ARID1A: variants seen among roughly 807,000 people sequenced by gnomAD.
ARID1A encodes AT-rich interaction domain 1A, also known as AT-rich interactive domain-containing protein 1A.
ARID1A carries 20 observed loss-of-function variants against 212.6 expected under a neutral mutation model. The observed-to-expected ratio is 0.09, with a 90% confidence interval of 0.07 to 0.14. ARID1A has a LOEUF of 0.14. ARID1A is among the 10% of genes least tolerant of loss of function. ARID1A has a pLI of 1.00. For missense variants in ARID1A, 2,587 were observed against 3,059.0 expected, an observed-to-expected ratio of 0.85 and a Z score of 3.64; for synonymous variants, 1,376 against 1,222.1, an observed-to-expected ratio of 1.13 and a Z score of -2.63.
At chr1:26,709,656 AT>A (rs1464208485) in intron 1 of ARID1A, among the ~76,000 whole-genome samples, 2 of 144,800 alleles carry the variant, frequency 1.4e-5, no homozygotes, top group Non-Finnish European at 1.5e-5. Flanking sequence ...TTAAACTAAA[AT>A]TTGTTTAGAG....
At chr1:26,767,693 G>C (rs2124085301) in intron 10 of ARID1A, 97 bp from the exon 11 acceptor site, 2 of 1,245,948 alleles carry the variant, frequency 1.6e-6, no homozygotes, top group Non-Finnish European at 2.2e-6. Context: ...CCCAGAGTAA[G>C]AAGCTTTAAC....
intron 3 of ARID1A, among the ~76,000 whole-genome samples, chr1:26,731,813 T>C (rs2080681342): frequency 6.6e-6 from 1 of 152,182 alleles, no homozygotes; most frequent in Non-Finnish European, 1.5e-5. Context: ...TCCTTAATGA[T>C]GAAGAAATAG....
chr1:26,731,968 T>C (rs934729640), intron 3 of ARID1A, among the ~76,000 whole-genome samples: 2 of 152,220 alleles, frequency 1.3e-5, no homozygotes, highest in African/African-American at 4.8e-5. Flanking sequence ...ACAGTCACTT[T>C]GAGAGGCAGT....
Position 26,731,203 on chromosome 1 carries a change from A to T in ARID1A, c.1402A>T (p.Thr468Ser), listed in dbSNP as rs2124788055. Residue 468 changes from threonine to serine, a missense_variant, in exon 3 of 20, where the codon ACT (threonine) becomes TCT (serine). By Grantham distance (58) the Thr-to-Ser change is moderately conservative (BLOSUM62 1). Coordinates refer to ENST00000324856, the MANE Select transcript of ARID1A (RefSeq NM_006015.6). ...CAGCGGGTATGGTCAACAGGGCCAG[A>T]CTCCATATTACAACCAGCAAAGTCC... ...GPSGYGQQGQ[T>S]PYYNQQSPHP... 6.2e-7 allele frequency: 1 copy of T among 1,613,772 alleles called. No homozygotes were observed. The highest frequency in any genetic ancestry group is 8.5e-7 in the Non-Finnish European group (1 of 1,179,924).
chr1:26,767,545 A>G (rs544193500), intron 10 of ARID1A, among the ~76,000 whole-genome samples: 1 of 152,216 alleles, frequency 6.6e-6, no homozygotes, highest in Non-Finnish European at 1.5e-5. Flanking sequence ...TATAATACCT[A>G]ATATATAAAG....
At chr1:26,749,612 G>C (rs1234448025) in intron 4 of ARID1A, among the ~76,000 whole-genome samples, 1 of 152,166 alleles carries the variant, frequency 6.6e-6, no homozygotes, top group Admixed American at 6.6e-5. Flanking sequence ...TCCACCCAGA[G>C]GGTCAGACCT....
chr1:26,775,669 TATG>T lies in ARID1A; in HGVS notation c.5091_5093del (p.Asp1698del). 6.2e-7 allele frequency: 1 copy of T among 1,614,228 alleles called. No homozygotes were observed. The highest frequency in any genetic ancestry group is 8.5e-7 in the Non-Finnish European group (1 of 1,180,032). On this transcript the variant is annotated inframe_deletion, in exon 19 of 20. Coordinates refer to ENST00000324856, the MANE Select transcript of ARID1A (RefSeq NM_006015.6). Reference sequence around the variant, plus strand: ...ATTAGATACCATCAACATCCTGCTGTATGATGACAACAGCATCATGACCTTCAA... The same window carrying T: ...ATTAGATACCATCAACATCCTGCTGTATGACAACAGCATCATGACCTTCAA...
intron 19 of ARID1A, among the ~76,000 whole-genome samples, chr1:26,776,337 T>C (rs76500846): frequency 0.056 from 8,528 of 151,222 alleles, 320 homozygotes; most frequent in Non-Finnish European, 0.08. Flanking sequence ...GCAGTGGCGC[T>C]ATCACAGCTC....
intron 4 of ARID1A, among the ~76,000 whole-genome samples, chr1:26,740,669 T>G (rs1237375310): frequency 4.0e-5 from 6 of 151,814 alleles, no homozygotes; most frequent in African/African-American, 1.2e-4. Context: ...GGGGCAATCA[T>G]GTGATAAAAC....
rs397860721 is a variant in ARID1A, at chr1:26,708,266, CTTTTTTTTTTTTTTTTTTT to C, written c.1137+10744_1137+10762del. Among the ~76,000 whole-genome samples the C allele has an allele frequency of 5.6e-3, 133 of 23,754 alleles. 3 individuals are homozygous for C. The highest frequency in any genetic ancestry group is 0.018 in the African/African-American group (109 of 6,012). 15.6% of individuals were successfully genotyped at this position (23,754 alleles called of 152,430 possible). A position where few individuals can be genotyped will look rare whatever the true frequency, so the allele number is the denominator to read the frequency against. On this transcript the variant is annotated intron_variant, in intron 1 of 19. Transcript: ENST00000324856. ...TCAGCCTTTAAGATACAGTCCTTCA[CTTTTTTTTTTTTTTTTTTT>C]TTTTTTTTTTTTTTTTTGAGACGGA...
chr1:26,759,576 T>TA (rs2080972239), intron 4 of ARID1A, among the ~76,000 whole-genome samples: 1 of 152,178 alleles, frequency 6.6e-6, no homozygotes, highest in Admixed American at 6.5e-5. Context: ...TTTCTTCAAT[T>TA]ACAGTTAGTT....
intron 1 of ARID1A, among the ~76,000 whole-genome samples, chr1:26,724,054 C>A (rs939178085): frequency 2.0e-5 from 3 of 151,986 alleles, no homozygotes; most frequent in Admixed American, 1.3e-4. Flanking sequence ...TAGGGGGGTT[C>A]TTTTGGTTAA....
chr1:26,739,843 CCT>C (rs1194005902), intron 4 of ARID1A, among the ~76,000 whole-genome samples: 8 of 152,034 alleles, frequency 5.3e-5, no homozygotes, highest in African/African-American at 1.2e-4. Context: ...TCTGGTTTCC[CCT>C]CTCTTTCTCC....
intron 1 of ARID1A, among the ~76,000 whole-genome samples, chr1:26,715,746 G>C (rs1055017798): frequency 6.6e-6 from 1 of 152,046 alleles, no homozygotes; most frequent in African/African-American, 2.4e-5. Context: ...AGTGGCACAC[G>C]CCTATAATCT....
In ARID1A at chr1:26,728,389, T is replaced by C. The variant is rs140658988; in HGVS notation, c.1138-1262T>C. Among the ~76,000 whole-genome samples, 33 of 152,304 alleles carry C rather than the reference T, an allele frequency of 2.2e-4. No homozygotes were observed. The East Asian group carries it at 5.8e-3, about 27-fold the overall frequency. On this transcript the variant is annotated intron_variant, in intron 1 of 19. Coordinates refer to ENST00000324856, the MANE Select transcript of ARID1A (RefSeq NM_006015.6). ...AAACAAACACGTACAGAGAACGAAT[T>C]GTTTGGATCTCCCCTTCCTTTATTT... is the stretch of plus-strand genomic sequence containing the variant.
intron 4 of ARID1A, among the ~76,000 whole-genome samples, chr1:26,756,592 AC>A (rs1261081599): frequency 8.6e-5 from 13 of 151,042 alleles, no homozygotes; most frequent in African/African-American, 2.9e-4. Context: ...AAAAACACAC[AC>A]AAAAAAAAAC....
At chr1:26,757,682 T>TC (rs1349006797) in intron 4 of ARID1A, among the ~76,000 whole-genome samples, 1 of 151,944 alleles carries the variant, frequency 6.6e-6, no homozygotes, top group Non-Finnish European at 1.5e-5. Flanking sequence ...TTTTTTTTTT[T>TC]CTTGAGACGG....
chr1:26,752,847 T>C (rs2080896568), intron 4 of ARID1A: 1 of 152,216 alleles, frequency 6.6e-6, no homozygotes. Flanking sequence ...ACTACAGGCA[T>C]GTGCGTAGGA....
At chr1:26,711,236 A>G (rs12068710) in intron 1 of ARID1A, among the ~76,000 whole-genome samples, 2,442 of 151,860 alleles carry the variant, frequency 0.016, 58 homozygotes, top group African/African-American at 0.056. Flanking sequence ...AGCCTCTCGT[A>G]GCTGGGATTA....
Sources: allele counts gnomAD v4.1 joint callset (sites outside exome capture counted in the v4.1 genomes callset), GRCh38; gene constraint gnomAD v4.1.1; transcripts MANE v1.5; gene names NCBI Gene and HGNC (gene_info 2026-07-23, HGNC 2026-07-21).